Variants in SCD5 observed in about 807,000 individuals in gnomAD.
SCD5 encodes acyl-CoA-desaturase 4.
In SCD5, 20 loss-of-function variants were observed where a neutral mutation model predicts 30.4. The observed-to-expected ratio is 0.66, with a 90% CI of 0.46 to 0.96. The LOEUF (loss-of-function observed/expected upper bound fraction) is 0.96, where lower values mean the gene tolerates loss of function less well. Among genes scored for constraint, SCD5 ranks in the 40% least tolerant of loss-of-function variants. The pLI is 0.00. For missense variants in SCD5, 381 were observed against 443.3 expected, an observed-to-expected ratio of 0.86 and a Z score of 1.26; for synonymous variants, 173 against 176.4, an observed-to-expected ratio of 0.98 and a Z score of 0.16.
intron 3 of SCD5, among the ~76,000 whole-genome samples, chr4:82,650,074 TGTAG>T (rs1057062923): frequency 6.6e-6 from 1 of 152,202 alleles, no homozygotes; most frequent in Non-Finnish European, 1.5e-5. Context: ...CTGCTAAAGC[TGTAG>T]GTCTCAGCCG....
At chr4:82,697,021 C>T (rs1719710645) in intron 2 of SCD5, among the ~76,000 whole-genome samples, 1 of 152,166 alleles carries the variant, frequency 6.6e-6, no homozygotes, top group Admixed American at 6.5e-5. Flanking sequence ...TCCTGTGATC[C>T]CAGCTCTAAC....
chr4:82,742,508 C>T (rs917190206), intron 1 of SCD5, among the ~76,000 whole-genome samples: 7 of 152,168 alleles, frequency 4.6e-5, no homozygotes, highest in Admixed American at 1.3e-4. Flanking sequence ...CCTTTCTGGC[C>T]GGGCATGGTG....
chr4:82,720,208 CT>C (rs1720336636), intron 1 of SCD5, among the ~76,000 whole-genome samples: 1 of 151,742 alleles, frequency 6.6e-6, no homozygotes, highest in Non-Finnish European at 1.5e-5. Flanking sequence ...GGAGGGAGGA[CT>C]GTTTGTGCCC....
At chr4:82,710,025 G>T (rs1226313605) in intron 1 of SCD5, among the ~76,000 whole-genome samples, 1 of 152,206 alleles carries the variant, frequency 6.6e-6, no homozygotes, top group Admixed American at 6.5e-5. Flanking sequence ...ACCTCTAAGT[G>T]ATAAAGCCAG....
intron 3 of SCD5, among the ~76,000 whole-genome samples, chr4:82,653,575 T>C (rs773528997): frequency 2.0e-5 from 3 of 152,006 alleles, no homozygotes; most frequent in Non-Finnish European, 4.4e-5. Context: ...CAGTCCTTTA[T>C]AGCAAATATT....
intron 2 of SCD5, among the ~76,000 whole-genome samples, chr4:82,702,138 T>TTTTTTTTTTTTTTG (rs1719861442): frequency 8.7e-6 from 1 of 115,162 alleles, no homozygotes; most frequent in Non-Finnish European, 1.7e-5. Flanking sequence ...ATCTTTTTTT[T>TTTTTTTTTTTTTTG]TTTTTTTTTT....
At chr4:82,645,539 A>G (rs1406469560) in intron 3 of SCD5, among the ~76,000 whole-genome samples, 3 of 152,236 alleles carry the variant, frequency 2.0e-5, no homozygotes, top group Non-Finnish European at 4.4e-5. Context: ...CAGGTCCACA[A>G]CAGATGCTGT....
chr4:82,636,517 T>G (rs1727433715), intron 4 of SCD5, 74 bp downstream of exon 4: 1 of 1,176,796 alleles, frequency 8.5e-7, no homozygotes, highest in South Asian at 1.4e-5. Context: ...CTTTACTGAT[T>G]CCACAAAACT....
chr4:82,751,731 A>G (rs371658692), intron 1 of SCD5, among the ~76,000 whole-genome samples: 13 of 152,132 alleles, frequency 8.5e-5, no homozygotes, highest in African/African-American at 2.9e-4. Context: ...GGTTCAAGCA[A>G]TTCTCCTGCC....
chr4:82,757,139 C>T (rs1307439255), intron 1 of SCD5, among the ~76,000 whole-genome samples: 3 of 152,182 alleles, frequency 2.0e-5, no homozygotes, highest in African/African-American at 7.2e-5. Context: ...TCTCCATCCT[C>T]GCTTTCAGTC....
chr4:82,725,184 C>T (rs573650241), intron 1 of SCD5, among the ~76,000 whole-genome samples: 7 of 152,286 alleles, frequency 4.6e-5, no homozygotes, highest in Non-Finnish European at 1.0e-4. Flanking sequence ...TAATAAATAA[C>T]TCCCCTGAAC....
At chr4:82,650,087 C>T (rs569055709) in intron 3 of SCD5, among the ~76,000 whole-genome samples, 7 of 152,160 alleles carry the variant, frequency 4.6e-5, no homozygotes, top group African/African-American at 9.6e-5. Flanking sequence ...AGGTCTCAGC[C>T]GTAGGTTGTC....
intron 3 of SCD5, among the ~76,000 whole-genome samples, chr4:82,663,640 T>C (rs552196593): frequency 1.1e-4 from 16 of 152,198 alleles, no homozygotes; most frequent in Non-Finnish European, 2.2e-4. Flanking sequence ...ATGCTTACCG[T>C]TCCAATAATG....
At chr4:82,705,241 T>A in intron 2 of SCD5, 42 bp downstream of exon 2, 1 of 1,607,210 alleles carries the variant, frequency 6.2e-7, no homozygotes, top group Non-Finnish European at 8.5e-7. Flanking sequence ...TACTGCCATC[T>A]GCACTGGGTC....
intron 4 of SCD5, among the ~76,000 whole-genome samples, chr4:82,633,802 G>A (rs2148811080): frequency 6.6e-6 from 1 of 152,276 alleles, no homozygotes; most frequent in Admixed American, 6.5e-5. Flanking sequence ...CCCTCTTGAA[G>A]TATACAATTT....
In SCD5 at chr4:82,647,259, A is replaced by G. The variant is rs375091957; in HGVS notation, c.570-10436T>C. Among the ~76,000 whole-genome samples the G allele has an allele frequency of 3.7e-4, 56 of 152,168 alleles. No homozygotes were observed. In the South Asian group the frequency reaches 0.012, roughly 32 times the overall value. Reference sequence around the variant, plus strand: ...TGTGTTCCCCTGATTGTTTTAGCCTACATATATGTAGATCTTGTGCTGAAA... The same window carrying G: ...TGTGTTCCCCTGATTGTTTTAGCCTGCATATATGTAGATCTTGTGCTGAAA... On this transcript the variant is annotated intron_variant, in intron 3 of 4. Transcript: ENST00000319540.
In SCD5 at chr4:82,664,961, ATCTCTCTCTCTC is replaced by A. The variant is rs368839845; in HGVS notation, c.569+15734_569+15745del. Among the ~76,000 whole-genome samples the A allele has an allele frequency of 2.2e-3, 170 of 77,068 alleles. 2 individuals are homozygous for A. The highest frequency in any genetic ancestry group is 8.6e-3 in the African/African-American group (148 of 17,166). 50.6% of individuals were successfully genotyped at this position (77,068 alleles called of 152,430 possible). A position where few individuals can be genotyped will look rare whatever the true frequency, so the allele number is the denominator to read the frequency against. ...AGCCTGGGCAGCATAGCAAGACCCC[ATCTCTCTCTCTC>A]TCTCTCTCTCTCTCTCTCTCTCTCT... On this transcript the variant is annotated intron_variant, in intron 3 of 4. Transcript: ENST00000319540.
At chr4:82,728,583 C>G (rs1406898373) in intron 1 of SCD5, among the ~76,000 whole-genome samples, 2 of 152,132 alleles carry the variant, frequency 1.3e-5, no homozygotes, top group Non-Finnish European at 2.9e-5. Flanking sequence ...CCCATTCAGA[C>G]TCGCTACTCA....
At chr4:82,680,942 A>T (rs369756541) in intron 2 of SCD5, 30 bp from the exon 3 acceptor site, 129 of 1,595,714 alleles carry the variant, frequency 8.1e-5, no homozygotes, top group Admixed American at 4.2e-4. Flanking sequence ...CTGAGTGAAG[A>T]GAGGAACCGC....
Sources: allele counts gnomAD v4.1 joint callset (sites outside exome capture counted in the v4.1 genomes callset), GRCh38; gene constraint gnomAD v4.1.1; transcripts MANE v1.5; gene names NCBI Gene and HGNC (gene_info 2026-07-23, HGNC 2026-07-21).